Variants in EYA4 observed in about 807,000 individuals in gnomAD.
EYA4 encodes EYA transcriptional coactivator and phosphatase 4.
Under a neutral mutation model 87.9 loss-of-function variants are expected in EYA4, and 31 were observed. The ratio of observed to expected loss-of-function variants is 0.35; its 90% CI spans 0.27 to 0.48. The LOEUF (loss-of-function observed/expected upper bound fraction) is 0.48, where lower values mean the gene tolerates loss of function less well. Ranked by LOEUF, EYA4 falls within the 20% of genes least tolerant of loss-of-function variation. The pLI, the probability that EYA4 is intolerant of heterozygous loss-of-function variation, is 0.99. For synonymous variants in EYA4, 263 were observed against 270.6 expected, an observed-to-expected ratio of 0.97 and a Z score of 0.28; for missense variants, 678 against 761.4, an observed-to-expected ratio of 0.89 and a Z score of 1.29.
At chr6:133,297,524 A>G (rs898149413) in intron 2 of EYA4, among the ~76,000 whole-genome samples, 1 of 152,196 alleles carries the variant, frequency 6.6e-6, no homozygotes, top group South Asian at 2.1e-4. Context: ...CAGGGAATCC[A>G]CTGTGATGTG....
chr6:133,480,680 T>C (rs1207897413), intron 11 of EYA4, among the ~76,000 whole-genome samples: 2 of 152,224 alleles, frequency 1.3e-5, no homozygotes, highest in Non-Finnish European at 2.9e-5. Flanking sequence ...AACATGGATA[T>C]ATTGGGGCAA....
chr6:133,305,888 T>C (rs1023874770), intron 2 of EYA4, among the ~76,000 whole-genome samples: 17 of 152,324 alleles, frequency 1.1e-4, no homozygotes, highest in South Asian at 1.0e-3. Context: ...GAATAAAATA[T>C]GTAAGGAAAG....
intron 2 of EYA4, among the ~76,000 whole-genome samples, chr6:133,299,805 A>G (rs1034996814): frequency 6.6e-6 from 1 of 151,542 alleles, no homozygotes; most frequent in African/African-American, 2.4e-5. Context: ...ATCCTTCACA[A>G]TAGCACTGCG....
chr6:133,277,418 T>G (rs1265350006), intron 2 of EYA4, among the ~76,000 whole-genome samples: 1 of 152,238 alleles, frequency 6.6e-6, no homozygotes, highest in Non-Finnish European at 1.5e-5. Context: ...GAGCTATAAA[T>G]CAGACTTCCC....
intron 2 of EYA4, among the ~76,000 whole-genome samples, chr6:133,303,508 C>T (rs1424872095): frequency 6.6e-6 from 1 of 152,202 alleles, no homozygotes; most frequent in Non-Finnish European, 1.5e-5. Context: ...TCTCTCTCCA[C>T]TGCCTCCAAG....
At chr6:133,454,421 C>G (rs1364011457) in intron 5 of EYA4, among the ~76,000 whole-genome samples, 1 of 152,160 alleles carries the variant, frequency 6.6e-6, no homozygotes, top group African/African-American at 2.4e-5. Flanking sequence ...TCTTGATTAG[C>G]TAGTGCTGCC....
At chr6:133,499,481 C>T (rs1185021782) in intron 13 of EYA4, among the ~76,000 whole-genome samples, 1 of 152,126 alleles carries the variant, frequency 6.6e-6, no homozygotes, top group Non-Finnish European at 1.5e-5. Context: ...ATTTGGATTC[C>T]CTTCTGACTG....
intron 5 of EYA4, among the ~76,000 whole-genome samples, chr6:133,450,456 T>A (rs1338997795): frequency 1.3e-5 from 2 of 152,204 alleles, no homozygotes; most frequent in Non-Finnish European, 2.9e-5. Context: ...AAGAACTAAT[T>A]TAATAGCTTT....
chr6:133,449,307 A>G lies in EYA4; in HGVS notation c.277+1128A>G, dbSNP rs539348610. ...ATGGGCCCTAAAATTTAAATTTCAT[A>G]TAATTTTCATGTGTCATGAAATATT... On this transcript the variant is annotated intron_variant, in intron 5 of 19. Coordinates refer to ENST00000355286, the MANE Select transcript of EYA4 (RefSeq NM_004100.5). 6.6e-5 allele frequency among the ~76,000 whole-genome samples: 10 copies of G among 152,354 alleles called. 1 individual carries two copies. The South Asian group carries it at 1.7e-3, about 25-fold the overall frequency.
intron 2 of EYA4, among the ~76,000 whole-genome samples, chr6:133,308,518 A>G (rs1779978138): frequency 6.6e-6 from 1 of 152,180 alleles, no homozygotes; most frequent in Admixed American, 6.5e-5. Context: ...CTGTATAATT[A>G]CTTTTTCAAT....
chr6:133,297,364 A>T (rs1249029112), intron 2 of EYA4, among the ~76,000 whole-genome samples: 1 of 152,166 alleles, frequency 6.6e-6, no homozygotes, highest in Non-Finnish European at 1.5e-5. Flanking sequence ...CCCAAATTGA[A>T]TATTGCGGGC....
chr6:133,310,054 A>G (rs993632863), intron 2 of EYA4, among the ~76,000 whole-genome samples: 1 of 152,200 alleles, frequency 6.6e-6, no homozygotes, highest in African/African-American at 2.4e-5. Context: ...GGAGCCTGGT[A>G]TTCACACCAG....
At chr6:133,518,310 TA>T (rs1562512123) in intron 17 of EYA4, among the ~76,000 whole-genome samples, 1 of 151,764 alleles carries the variant, frequency 6.6e-6, no homozygotes, top group Non-Finnish European at 1.5e-5. Context: ...ATTCCAGAAA[TA>T]AATAAAGATA....
At chr6:133,309,934 T>G (rs914707567) in intron 2 of EYA4, among the ~76,000 whole-genome samples, 3 of 152,070 alleles carry the variant, frequency 2.0e-5, no homozygotes, top group African/African-American at 7.2e-5. Flanking sequence ...AGAAAGATAT[T>G]TGGGAAGGAT....
chr6:133,478,295 T>C (rs1795915280), intron 11 of EYA4, among the ~76,000 whole-genome samples: 1 of 152,054 alleles, frequency 6.6e-6, no homozygotes, highest in South Asian at 2.1e-4. Context: ...AGGAATCACA[T>C]TGCCAGGTAT....
intron 2 of EYA4, among the ~76,000 whole-genome samples, chr6:133,357,889 T>C (rs1342903311): frequency 6.6e-6 from 1 of 151,804 alleles, no homozygotes; most frequent in Non-Finnish European, 1.5e-5. Flanking sequence ...TGTAATCATT[T>C]TGATACAGTT....
intron 13 of EYA4, 97 bp downstream of exon 13, chr6:133,483,212 T>C (rs1279222493): frequency 2.3e-6 from 2 of 857,620 alleles, no homozygotes; most frequent in African/African-American, 3.4e-5. Context: ...AAGTGTTTTT[T>C]TATTGCAGTC....
At chr6:133,437,483 G>A (rs571093640) in intron 3 of EYA4, among the ~76,000 whole-genome samples, 7 of 152,058 alleles carry the variant, frequency 4.6e-5, no homozygotes, top group Admixed American at 2.6e-4. Flanking sequence ...TGTAAAATGT[G>A]GAAAATTATA....
chr6:133,480,731 C>T (rs1796134880), intron 11 of EYA4, among the ~76,000 whole-genome samples: 1 of 151,906 alleles, frequency 6.6e-6, no homozygotes, highest in South Asian at 2.1e-4. Context: ...TCTCTTTTTA[C>T]TTTTTTTAAC....
Sources: allele counts gnomAD v4.1 joint callset (sites outside exome capture counted in the v4.1 genomes callset), GRCh38; gene constraint gnomAD v4.1.1; transcripts MANE v1.5; gene names NCBI Gene and HGNC (gene_info 2026-07-23, HGNC 2026-07-21).